Variants in RARRES1 observed in about 807,000 individuals in gnomAD.
RARRES1 encodes the protein retinoic acid receptor responder 1.
In RARRES1, 34 loss-of-function variants were observed where a neutral mutation model predicts 30.6. The ratio of observed to expected loss-of-function variants is 1.11; its 90% CI spans 0.84 to 1.48. RARRES1 has a LOEUF of 1.48. Ranked by LOEUF, RARRES1 falls within the 40% of genes most tolerant of loss-of-function variation. The probability of loss-of-function intolerance (pLI) is 0.00; values close to 1 mark genes in which losing one functional copy is unlikely to be tolerated. For synonymous variants in RARRES1, 153 were observed against 155.5 expected, an observed-to-expected ratio of 0.98 and a Z score of 0.12; for missense variants, 373 against 386.5, an observed-to-expected ratio of 0.97 and a Z score of 0.29.
intron 4 of RARRES1, among the ~76,000 whole-genome samples, chr3:158,699,434 AC>A (rs139216148): frequency 1.0e-3 from 142 of 137,814 alleles, no homozygotes; most frequent in South Asian, 5.7e-3. Flanking sequence ...CAAAAAAGCA[AC>A]CCCCCCCCCA....
chr3:158,708,512 G>A (rs1576812399), intron 3 of RARRES1, among the ~76,000 whole-genome samples: 2 of 152,262 alleles, frequency 1.3e-5, no homozygotes, highest in South Asian at 4.1e-4. Context: ...AAATTCATTA[G>A]AAGTGAAACT....
intron 2 of RARRES1, among the ~76,000 whole-genome samples, chr3:158,713,379 C>T (rs972830572): frequency 2.6e-5 from 4 of 152,062 alleles, no homozygotes; most frequent in Admixed American, 2.6e-4. Context: ...CCTCTGTGTA[C>T]GTTAGCTCAT....
chr3:158,725,806 C>T (rs1727666699), intron 1 of RARRES1, among the ~76,000 whole-genome samples: 1 of 152,212 alleles, frequency 6.6e-6, no homozygotes, highest in Admixed American at 6.5e-5. Context: ...TAGACCCAGA[C>T]TCTGCGATCA....
intron 2 of RARRES1, among the ~76,000 whole-genome samples, chr3:158,712,649 T>C (rs1013899842): frequency 1.5e-5 from 2 of 135,130 alleles, no homozygotes; most frequent in Non-Finnish European, 3.2e-5. Flanking sequence ...TCCTCTGTTG[T>C]CAAAGTCATT....
rs1011712977 is a variant in RARRES1 at position 158,714,572 on chromosome 3, G to T, written c.277-713C>A. 6.6e-5 allele frequency among the ~76,000 whole-genome samples: 10 copies of T among 152,176 alleles called. No homozygotes were observed. In the South Asian group the frequency reaches 2.1e-3, roughly 31 times the overall value. ...CTTTCTTTCGTTTGCAGTTTTTATAGGCAAGCATACTTTTAAACTTCAGAA... is the reference window on the plus strand; with the variant it reads ...CTTTCTTTCGTTTGCAGTTTTTATATGCAAGCATACTTTTAAACTTCAGAA... On this transcript the variant is annotated intron_variant, in intron 1 of 5. Coordinates refer to ENST00000237696, the MANE Select transcript of RARRES1 (RefSeq NM_206963.2).
intron 1 of RARRES1, among the ~76,000 whole-genome samples, chr3:158,719,498 C>T (rs1436252869): frequency 6.6e-6 from 1 of 152,170 alleles, no homozygotes; most frequent in Non-Finnish European, 1.5e-5. Context: ...TCTCAAACTC[C>T]TGACCTCAGG....
chr3:158,718,016 TCG>T (rs1727381399), intron 1 of RARRES1, among the ~76,000 whole-genome samples: 1 of 150,648 alleles, frequency 6.6e-6, no homozygotes, highest in Non-Finnish European at 1.5e-5. Flanking sequence ...TCTTGCTCTG[TCG>T]CCCAGGCTGG....
At chr3:158,717,999 GAC>G (rs994531234) in intron 1 of RARRES1, among the ~76,000 whole-genome samples, 14 of 99,870 alleles carry the variant, frequency 1.4e-4, no homozygotes, top group African/African-American at 5.5e-4. Context: ...TTTTTTTTGA[GAC>G]AGAGTCTTGC....
chr3:158,700,879 A>G (rs1726700122), intron 4 of RARRES1, among the ~76,000 whole-genome samples: 1 of 152,044 alleles, frequency 6.6e-6, no homozygotes, highest in African/African-American at 2.4e-5. Flanking sequence ...TCATAACCCA[A>G]CCCACCCCAT....
intron 1 of RARRES1, among the ~76,000 whole-genome samples, chr3:158,726,272 C>T (rs1263724289): frequency 2.0e-5 from 3 of 152,288 alleles, no homozygotes; most frequent in East Asian, 3.9e-4. Context: ...GAGAGAAGAC[C>T]TCAAGAGCAG....
At chr3:158,703,558 T>C (rs1726806090) in intron 4 of RARRES1, among the ~76,000 whole-genome samples, 1 of 152,158 alleles carries the variant, frequency 6.6e-6, no homozygotes, top group South Asian at 2.1e-4. Flanking sequence ...TCCCATCCTT[T>C]CCTGAACCTA....
At chr3:158,722,172 C>T (rs1727539471) in intron 1 of RARRES1, among the ~76,000 whole-genome samples, 1 of 151,354 alleles carries the variant, frequency 6.6e-6, no homozygotes, top group East Asian at 1.9e-4. Flanking sequence ...AAATTCCCTC[C>T]TTGCTTCCTG....
chr3:158,710,200 TGAG>T (rs1727066788), intron 3 of RARRES1, among the ~76,000 whole-genome samples: 1 of 145,178 alleles, frequency 6.9e-6, no homozygotes, highest in Non-Finnish European at 1.5e-5. Context: ...GGATGGAAAA[TGAG>T]GAGTTTTTTT....
chr3:158,700,514 G>GAAAC (rs1296202677), intron 4 of RARRES1, among the ~76,000 whole-genome samples: 1 of 151,950 alleles, frequency 6.6e-6, no homozygotes, highest in Non-Finnish European at 1.5e-5. Flanking sequence ...TAAAGTTATC[G>GAAAC]AAACATCCCC....
At chr3:158,713,566 T>C (rs147953711) in intron 2 of RARRES1, among the ~76,000 whole-genome samples, 22 of 152,236 alleles carry the variant, frequency 1.4e-4, no homozygotes, top group African/African-American at 4.8e-4. Context: ...AGGTGATCGC[T>C]TATATGGATT....
intron 3 of RARRES1, 81 bp downstream of exon 3, chr3:158,710,657 A>G: frequency 4.4e-6 from 6 of 1,374,708 alleles, no homozygotes; most frequent in Non-Finnish European, 5.0e-6. Context: ...TTTAGGGATA[A>G]AAACTTAAAT....
intron 1 of RARRES1, among the ~76,000 whole-genome samples, chr3:158,730,044 C>T (rs749799668): frequency 2.6e-5 from 4 of 151,818 alleles, no homozygotes; most frequent in Admixed American, 1.3e-4. Context: ...CAAGATGGCC[C>T]GGCACGGTGG....
intron 4 of RARRES1, among the ~76,000 whole-genome samples, chr3:158,701,767 T>C (rs922492680): frequency 6.6e-6 from 1 of 152,212 alleles, no homozygotes; most frequent in Non-Finnish European, 1.5e-5. Flanking sequence ...GTGCATACTT[T>C]TCTTTAAAAG....
At chr3:158,699,328 G>T (rs887348789) in intron 4 of RARRES1, among the ~76,000 whole-genome samples, 9 of 151,926 alleles carry the variant, frequency 5.9e-5, no homozygotes, top group African/African-American at 2.2e-4. Context: ...CTTCGTACCA[G>T]ACCTCACTCT....
Sources: allele counts gnomAD v4.1 joint callset (sites outside exome capture counted in the v4.1 genomes callset), GRCh38; gene constraint gnomAD v4.1.1; transcripts MANE v1.5; gene names NCBI Gene and HGNC (gene_info 2026-07-23, HGNC 2026-07-21).